ADGRL3: variants seen among roughly 807,000 people sequenced by gnomAD.
The protein encoded by ADGRL3 is calcium-independent alpha-latrotoxin receptor 3.
In ADGRL3, 62 loss-of-function variants were observed where a neutral mutation model predicts 153.5. The ratio of observed to expected loss-of-function variants is 0.40; its 90% CI spans 0.33 to 0.50. ADGRL3 has a LOEUF of 0.50. Ranked by LOEUF, ADGRL3 falls within the 20% of genes least tolerant of loss-of-function variation. The pLI, the probability that ADGRL3 is intolerant of heterozygous loss-of-function variation, is 0.47. For synonymous variants in ADGRL3, 710 were observed against 672.5 expected, an observed-to-expected ratio of 1.06 and a Z score of -0.86; for missense variants, 1,641 against 1,859.4, an observed-to-expected ratio of 0.88 and a Z score of 2.16.
At chr4:62,015,228 G>T (rs940600670) in intron 21 of ADGRL3, among the ~76,000 whole-genome samples, 1 of 152,194 alleles carries the variant, frequency 6.6e-6, no homozygotes, top group African/African-American at 2.4e-5. Context: ...TTCTAAAAAG[G>T]TCTGTCATCA....
chr4:61,601,579 A>C (rs1470669202), intron 5 of ADGRL3, among the ~76,000 whole-genome samples: 1 of 152,180 alleles, frequency 6.6e-6, no homozygotes, highest in Non-Finnish European at 1.5e-5. Flanking sequence ...GATTGGAAAT[A>C]AATTATCATT....
At chr4:61,880,766 G>A (rs2098504047) in intron 9 of ADGRL3, among the ~76,000 whole-genome samples, 1 of 152,102 alleles carries the variant, frequency 6.6e-6, no homozygotes. Flanking sequence ...GGTTTCACTT[G>A]AATTCAGGAA....
rs181376701 is a variant in ADGRL3, at chr4:62,015,649, G to A, written c.3396-13206G>A. Among the ~76,000 whole-genome samples the A allele has an allele frequency of 4.9e-4, 75 of 152,210 alleles. 2 individuals carry two copies. In the East Asian group the frequency reaches 0.013, roughly 26 times the overall value. On this transcript the variant is annotated intron_variant, in intron 21 of 26. Coordinates refer to ENST00000683033, the MANE Select transcript of ADGRL3 (RefSeq NM_001387552.1). ...AATTGCCAGATCTCCCATTCTGTAA[G>A]TTTTAATAATGTGCATATCCCTTAA...
intron 1 of ADGRL3, among the ~76,000 whole-genome samples, chr4:61,364,428 C>T (rs1326495376): frequency 6.6e-6 from 1 of 151,538 alleles, no homozygotes; most frequent in African/African-American, 2.4e-5. Flanking sequence ...TTAATGGTAT[C>T]ACTGTATTGA....
intron 2 of ADGRL3, among the ~76,000 whole-genome samples, chr4:61,440,553 T>G (rs2097517087): frequency 6.6e-6 from 1 of 152,198 alleles, no homozygotes; most frequent in African/African-American, 2.4e-5. Flanking sequence ...TGTTAATTGA[T>G]TCCTTATAGT....
At chr4:61,456,477 CTATATATATAGA>C (rs1560665388) in intron 2 of ADGRL3, among the ~76,000 whole-genome samples, 20 of 105,706 alleles carry the variant, frequency 1.9e-4, no homozygotes, top group African/African-American at 6.2e-4. Flanking sequence ...ATATCTATAT[CTATATATATAGA>C]TATATCTATA....
At chr4:61,568,072 T>A (rs913076385) in intron 4 of ADGRL3, among the ~76,000 whole-genome samples, 6 of 152,168 alleles carry the variant, frequency 3.9e-5, no homozygotes, top group Admixed American at 3.3e-4. Context: ...GCCTTATATT[T>A]TTTTCTCATT....
chr4:61,245,520 G>T (rs1756713114), intron 1 of ADGRL3, among the ~76,000 whole-genome samples: 1 of 152,020 alleles, frequency 6.6e-6, no homozygotes, highest in South Asian at 2.1e-4. Context: ...AACACAAGAG[G>T]CATTGTCATT....
intron 6 of ADGRL3, among the ~76,000 whole-genome samples, chr4:61,727,565 G>A (rs1397558749): frequency 1.3e-5 from 2 of 152,116 alleles, no homozygotes; most frequent in African/African-American, 4.8e-5. Flanking sequence ...TCTCATTACA[G>A]AGAGGAGGGA....
chr4:61,271,316 G>T (rs1233538110), intron 1 of ADGRL3, among the ~76,000 whole-genome samples: 1 of 151,908 alleles, frequency 6.6e-6, no homozygotes, highest in South Asian at 2.1e-4. Context: ...CTCACATGAG[G>T]TTATGCATTA....
chr4:61,412,098 G>GTTTA (rs998553865), intron 2 of ADGRL3, among the ~76,000 whole-genome samples: 2 of 151,638 alleles, frequency 1.3e-5, no homozygotes, highest in Admixed American at 1.3e-4. Flanking sequence ...TGGTCTTTTT[G>GTTTA]TTTGTTTGTT....
chr4:62,065,744 A>G (rs1426761116), intron 25 of ADGRL3, among the ~76,000 whole-genome samples: 1 of 152,040 alleles, frequency 6.6e-6, no homozygotes. Flanking sequence ...GTTTTTCCTA[A>G]TTCAATATCT....
chr4:61,964,648 G>T (rs1438591130), intron 17 of ADGRL3, among the ~76,000 whole-genome samples: 1 of 151,920 alleles, frequency 6.6e-6, no homozygotes, highest in East Asian at 1.9e-4. Flanking sequence ...TTAGTTTTAA[G>T]TACAATCATA....
At chr4:61,468,794 A>G (rs2097913287) in intron 2 of ADGRL3, among the ~76,000 whole-genome samples, 1 of 152,188 alleles carries the variant, frequency 6.6e-6, no homozygotes, top group African/African-American at 2.4e-5. Context: ...CACAGACTCA[A>G]CCAAGGGAAA....
intron 5 of ADGRL3, among the ~76,000 whole-genome samples, chr4:61,637,952 A>G (rs2093499108): frequency 6.6e-6 from 1 of 152,200 alleles, no homozygotes; most frequent in Admixed American, 6.5e-5. Context: ...AAACATCCCA[A>G]TTAAAAGACA....
chr4:62,023,767 C>T (rs776169686), intron 21 of ADGRL3, among the ~76,000 whole-genome samples: 3 of 152,050 alleles, frequency 2.0e-5, no homozygotes, highest in South Asian at 2.1e-4. Context: ...TACTCTATTG[C>T]GTGCTTAATA....
At chr4:61,488,788 C>A (rs1450213937) in intron 2 of ADGRL3, among the ~76,000 whole-genome samples, 1 of 151,888 alleles carries the variant, frequency 6.6e-6, no homozygotes, top group Non-Finnish European at 1.5e-5. Context: ...ATTGTGAACT[C>A]CCACCATACT....
intron 9 of ADGRL3, among the ~76,000 whole-genome samples, chr4:61,885,815 C>T (rs2098535378): frequency 6.6e-6 from 1 of 152,150 alleles, no homozygotes; most frequent in Admixed American, 6.5e-5. Flanking sequence ...TATTTCATCT[C>T]TGAAATGAAG....
chr4:61,884,056 AATT>A (rs1346971169), intron 9 of ADGRL3, among the ~76,000 whole-genome samples: 1 of 152,174 alleles, frequency 6.6e-6, no homozygotes. Context: ...GGAACATAAT[AATT>A]ATTATTCAAC....
Sources: allele counts gnomAD v4.1 joint callset (sites outside exome capture counted in the v4.1 genomes callset), GRCh38; gene constraint gnomAD v4.1.1; transcripts MANE v1.5; gene names NCBI Gene and HGNC (gene_info 2026-07-23, HGNC 2026-07-21).